Variants in MGA observed in about 807,000 individuals in gnomAD.
The protein encoded by MGA is MAX dimerization protein MGA.
A neutral mutation model predicts 261.1 loss-of-function variants in MGA; 40 were observed. The observed-to-expected ratio is 0.15, with a 90% confidence interval of 0.12 to 0.20. MGA has a LOEUF of 0.20. Among genes scored for constraint, MGA ranks in the 10% least tolerant of loss-of-function variants. MGA has a pLI of 1.00. For missense variants in MGA, 3,397 were observed against 3,630.5 expected (o/e 0.94, Z 1.65); for synonymous variants, 1,302 against 1,290.6 (o/e 1.01, Z -0.19).
chr15:41,732,839 T>G (rs1364593092), intron 11 of MGA, among the ~76,000 whole-genome samples: 1 of 152,244 alleles, frequency 6.6e-6, no homozygotes, highest in Non-Finnish European at 1.5e-5. Context: ...AACAGTGTTC[T>G]GGGTCAAAGG....
chr15:41,725,528 A>C (rs2061177409), intron 9 of MGA, among the ~76,000 whole-genome samples: 1 of 151,916 alleles, frequency 6.6e-6, no homozygotes, highest in Admixed American at 6.6e-5. Context: ...TGAGACTTGT[A>C]CTCTTAAAAA....
In MGA at chr15:41,749,798, A is replaced by T. The variant is rs771690403; in HGVS notation, c.6191A>T (p.Asp2064Val). The T allele has an allele frequency of 2.9e-5, 47 of 1,613,884 alleles. No homozygotes were observed. The highest frequency in any genetic ancestry group is 3.6e-5 in the Non-Finnish European group (43 of 1,179,892). The change falls in exon 17 of 24, where the codon GAT becomes GTT. Residue 2064 changes from aspartate to valine, a missense_variant. Transcript: ENST00000219905. ...TCACATACAGATCAAGATTATAAAG[A>T]TGTTAATGAAGAATATGGGGCTAGG...
At chr15:41,661,902 GGGTTCCGGCC>G (rs2057427350) in intron 1 of MGA, among the ~76,000 whole-genome samples, 2 of 152,230 alleles carry the variant, frequency 1.3e-5, no homozygotes, top group African/African-American at 4.8e-5. Context: ...AGCGATCATC[GGGTTCCGGCC>G]GGCGGCACGT....
At chr15:41,724,923 T>G (rs1236033904) in intron 9 of MGA, among the ~76,000 whole-genome samples, 2 of 152,214 alleles carry the variant, frequency 1.3e-5, no homozygotes, top group Non-Finnish European at 2.9e-5. Context: ...GTTATTAATG[T>G]TCAGAGCAAA....
Position 41,739,930 on chromosome 15 carries a change from G to T in MGA, c.4435-123G>T, listed in dbSNP as rs755145017. On this transcript the variant is annotated intron_variant, in intron 13 of 23. Coordinates refer to ENST00000219905, the MANE Select transcript of MGA (RefSeq NM_001164273.2). Reference sequence around the variant, plus strand: ...GGTTAATGGTAAGAGTTACCCGCAGGCTAAGTTGCTATTGGGACAGATGGG... The same window carrying T: ...GGTTAATGGTAAGAGTTACCCGCAGTCTAAGTTGCTATTGGGACAGATGGG... 1.6e-5 allele frequency: 25 copies of T among 1,612,160 alleles called. No homozygotes were observed. The South Asian group carries it at 2.8e-4, about 18-fold the overall frequency.
chr15:41,742,484 A>G, intron 14 of MGA, 62 bp from the exon 15 acceptor site: 7 of 1,560,716 alleles, frequency 4.5e-6, no homozygotes, highest in Non-Finnish European at 6.1e-6. Flanking sequence ...CGGTAAGCAC[A>G]GTCACTAAGA....
intron 19 of MGA, 116 bp downstream of exon 19, chr15:41,757,955 C>A: frequency 3.9e-6 from 3 of 772,104 alleles, no homozygotes; most frequent in South Asian, 1.9e-5. Flanking sequence ...GCTATTTTTG[C>A]CAGTGAGTTA....
intron 9 of MGA, among the ~76,000 whole-genome samples, chr15:41,716,739 G>A (rs2060657659): frequency 6.6e-6 from 1 of 152,022 alleles, no homozygotes; most frequent in South Asian, 2.1e-4. Context: ...TTTAAAAGTA[G>A]TCACTTGTCA....
Position 41,669,566 on chromosome 15 carries a change from C to T in MGA, c.672C>T (p.His224=), listed in dbSNP as rs1171576841. ...TACAATTAAATGGCCCTGGTGTCCA[C>T]ACTTTTACCTTCCCACAGACTGAAT... is the stretch of plus-strand genomic sequence containing the variant. Residue 224 remains histidine (H), a synonymous_variant, in exon 2 of 24, where the codon CAC becomes CAT. Coordinates refer to ENST00000219905, the MANE Select transcript of MGA (RefSeq NM_001164273.2). 1 of 1,614,036 alleles carries T rather than the reference C, an allele frequency of 6.2e-7. No individual in the cohort carries two copies. The highest frequency in any genetic ancestry group is 1.1e-5 in the South Asian group (1 of 91,088).
chr15:41,664,132 TA>T (rs923772795), intron 1 of MGA, among the ~76,000 whole-genome samples: 1 of 152,204 alleles, frequency 6.6e-6, no homozygotes, highest in Admixed American at 6.5e-5. Flanking sequence ...TTAGTGGAGT[TA>T]AAAAACCGGC....
intron 2 of MGA, among the ~76,000 whole-genome samples, chr15:41,695,568 C>G (rs2059514704): frequency 6.6e-6 from 1 of 152,184 alleles, no homozygotes; most frequent in Admixed American, 6.5e-5. Flanking sequence ...GAGGGGGAAA[C>G]TAGATGTTTA....
chr15:41,667,744 T>C (rs190209081), intron 1 of MGA, among the ~76,000 whole-genome samples: 58 of 152,312 alleles, frequency 3.8e-4, no homozygotes, highest in Non-Finnish European at 4.0e-4. Flanking sequence ...GTTAGTTTGC[T>C]TTTTGATTTT....
intron 1 of MGA, among the ~76,000 whole-genome samples, chr15:41,623,775 A>AT (rs202119156): frequency 7.8e-4 from 86 of 110,754 alleles, no homozygotes; most frequent in African/African-American, 1.1e-3. Flanking sequence ...ATATATATAT[A>AT]TTTTTTTTTT....
intron 1 of MGA, among the ~76,000 whole-genome samples, chr15:41,641,186 T>C (rs1367628022): frequency 2.6e-5 from 4 of 152,236 alleles, no homozygotes; most frequent in Admixed American, 6.5e-5. Flanking sequence ...TATGGCTGAA[T>C]AATATTTCAT....
chr15:41,746,558 A>G (rs1487829376), intron 15 of MGA, among the ~76,000 whole-genome samples: 1 of 151,848 alleles, frequency 6.6e-6, no homozygotes, highest in Non-Finnish European at 1.5e-5. Context: ...AAAAAAAAAA[A>G]AAAAAAAAAG....
chr15:41,632,031 G>C (rs747593915), intron 1 of MGA, among the ~76,000 whole-genome samples: 20 of 152,120 alleles, frequency 1.3e-4, no homozygotes, highest in Non-Finnish European at 2.6e-4. Context: ...ATCAAGTTGA[G>C]ACAAGTTCAG....
At chr15:41,646,313 C>A (rs974169350) in intron 1 of MGA, among the ~76,000 whole-genome samples, 1 of 151,594 alleles carries the variant, frequency 6.6e-6, no homozygotes, top group Non-Finnish European at 1.5e-5. Flanking sequence ...AGGAGATATT[C>A]CATTTTATTT....
At chr15:41,627,858 T>C (rs2056492143) in intron 1 of MGA, among the ~76,000 whole-genome samples, 1 of 152,192 alleles carries the variant, frequency 6.6e-6, no homozygotes, top group African/African-American at 2.4e-5. Context: ...TAATCAAGAA[T>C]TGGATCTAAA....
At chr15:41,714,123 G>A (rs188818656) in intron 9 of MGA, among the ~76,000 whole-genome samples, 36 of 152,190 alleles carry the variant, frequency 2.4e-4, no homozygotes, top group African/African-American at 8.0e-4. Flanking sequence ...AATTGAAACA[G>A]GTTTCTTAGT....
Sources: allele counts gnomAD v4.1 joint callset (sites outside exome capture counted in the v4.1 genomes callset), GRCh38; gene constraint gnomAD v4.1.1; transcripts MANE v1.5; gene names NCBI Gene and HGNC (gene_info 2026-07-23, HGNC 2026-07-21).